The following ARMC1 variants were observed in gnomAD, a reference collection of about 807,000 sequenced individuals.
ARMC1 encodes the protein armadillo repeat containing 1.
A neutral mutation model predicts 31.4 loss-of-function variants in ARMC1; 16 were observed. The observed-to-expected ratio is 0.51, with a 90% CI of 0.34 to 0.77. The LOEUF is 0.77. Among genes scored for constraint, ARMC1 ranks in the 30% least tolerant of loss-of-function variants. The pLI, the probability that ARMC1 is intolerant of heterozygous loss-of-function variation, is 0.01. For synonymous variants in ARMC1, 114 were observed against 118.9 expected, an observed-to-expected ratio of 0.96 and a Z score of 0.27; for missense variants, 259 against 347.5, an observed-to-expected ratio of 0.75 and a Z score of 2.02.
At chr8:65,624,661 T>C (rs915080031) in intron 2 of ARMC1, among the ~76,000 whole-genome samples, 3 of 152,084 alleles carry the variant, frequency 2.0e-5, no homozygotes, top group African/African-American at 7.2e-5. Context: ...TATACTCTTG[T>C]GTGATTCTTA....
intron 1 of ARMC1, among the ~76,000 whole-genome samples, chr8:65,631,813 G>A (rs1808650259): frequency 6.6e-6 from 1 of 151,036 alleles, no homozygotes; most frequent in Non-Finnish European, 1.5e-5. Flanking sequence ...CAAGTCTACA[G>A]TGTGCTATGA....
intron 3 of ARMC1, among the ~76,000 whole-genome samples, chr8:65,617,922 G>GC (rs80261499): frequency 5.3e-5 from 8 of 150,172 alleles, no homozygotes; most frequent in Non-Finnish European, 1.0e-4. Context: ...TTTTCGGCGG[G>GC]GGGGGAGGGA....
intron 1 of ARMC1, among the ~76,000 whole-genome samples, chr8:65,629,130 G>A (rs1398501950): frequency 6.6e-6 from 1 of 150,890 alleles, no homozygotes; most frequent in East Asian, 1.9e-4. Context: ...ACTACAGCCT[G>A]GATGACAGGG....
chr8:65,609,857 C>CAAAAAAAAAAAAAAAAAAAAAAAAAAAAA (rs35519675), intron 4 of ARMC1, among the ~76,000 whole-genome samples: 1 of 93,062 alleles, frequency 1.1e-5, no homozygotes, highest in African/African-American at 4.4e-5. Context: ...GACTCTGTCT[C>CAAAAAAAAAAAAAAAAAAAAAAAAAAAAA]AAAAAAAAAA....
chr8:65,606,386 GAAAA>G (rs1808003750), intron 4 of ARMC1, among the ~76,000 whole-genome samples: 1 of 149,352 alleles, frequency 6.7e-6, no homozygotes, highest in Admixed American at 6.7e-5. Context: ...GAAAAGAAAA[GAAAA>G]GTTTTATGAT....
chr8:65,616,382 G>A (rs917737161), intron 3 of ARMC1, among the ~76,000 whole-genome samples: 3 of 152,252 alleles, frequency 2.0e-5, no homozygotes, highest in African/African-American at 7.2e-5. Flanking sequence ...TGATCTGCCA[G>A]CCTCGGCCTC....
chr8:65,607,674 C>T (rs561127632), intron 4 of ARMC1, among the ~76,000 whole-genome samples: 1 of 152,290 alleles, frequency 6.6e-6, no homozygotes, highest in South Asian at 2.1e-4. Context: ...TTAGTACATT[C>T]TACCATGTGA....
Position 65,605,303 on chromosome 8 carries a change from A to G in ARMC1, c.617T>C (p.Met206Thr). 6.2e-7 allele frequency: 1 copy of G among 1,613,808 alleles called. No individual in the cohort carries two copies. The highest frequency in any genetic ancestry group is 1.1e-5 in the South Asian group (1 of 90,950). ...ACTTTTCACAACTTGCTGAGCTTTC[A>G]TAACCTTGGTTGATGCTATTGCTGA... ...LASAIASTKV[M>T]KAQQVVKSES... The change falls in exon 6 of 7, where the codon ATG becomes ACG. Residue 206 changes from methionine to threonine, a missense_variant. This residue lies in a region of ARMC1 where 73 missense variants were observed against 100.0 expected (regional missense o/e 0.73). Coordinates refer to ENST00000276569, the MANE Select transcript of ARMC1 (RefSeq NM_018120.6).
At chr8:65,620,680 G>A (rs1315588221) in intron 3 of ARMC1, among the ~76,000 whole-genome samples, 2 of 151,642 alleles carry the variant, frequency 1.3e-5, no homozygotes, top group Non-Finnish European at 2.9e-5. Flanking sequence ...AGATGCTTCT[G>A]TTGTCATCCT....
intron 6 of ARMC1, 149 bp downstream of exon 6, chr8:65,605,114 C>A: frequency 1.5e-6 from 1 of 656,664 alleles, no homozygotes; most frequent in Non-Finnish European, 2.6e-6. Context: ...AAAGATCTCT[C>A]TATATTTCTA....
intron 4 of ARMC1, among the ~76,000 whole-genome samples, chr8:65,606,440 T>C (rs915226299): frequency 9.2e-5 from 14 of 151,956 alleles, no homozygotes; most frequent in Admixed American, 2.0e-4. Context: ...TAAATTCCAA[T>C]AGACTGAAGT....
intron 1 of ARMC1, among the ~76,000 whole-genome samples, chr8:65,633,371 A>T (rs1217427117): frequency 6.6e-6 from 1 of 152,236 alleles, no homozygotes; most frequent in Non-Finnish European, 1.5e-5. Context: ...AGCCTCAGTT[A>T]TCTCACATAA....
intron 2 of ARMC1, among the ~76,000 whole-genome samples, chr8:65,626,046 G>A (rs1476173181): frequency 1.3e-5 from 2 of 151,796 alleles, no homozygotes; most frequent in Non-Finnish European, 2.9e-5. Flanking sequence ...CCACCACCAC[G>A]CCCGGCTAAT....
At chr8:65,610,261 CT>C (rs1432798275) in intron 4 of ARMC1, among the ~76,000 whole-genome samples, 2 of 151,982 alleles carry the variant, frequency 1.3e-5, no homozygotes, top group South Asian at 2.1e-4. Context: ...CCACACCCTG[CT>C]TATTTTTTGT....
At chr8:65,622,693 A>G (rs1808418984) in intron 2 of ARMC1, among the ~76,000 whole-genome samples, 1 of 147,584 alleles carries the variant, frequency 6.8e-6, no homozygotes, top group Non-Finnish European at 1.5e-5. Flanking sequence ...AACCTGAATG[A>G]CAGAGTTACT....
At chr8:65,611,052 G>A (rs1808129197) in intron 4 of ARMC1, among the ~76,000 whole-genome samples, 1 of 151,842 alleles carries the variant, frequency 6.6e-6, no homozygotes. Flanking sequence ...TCCTGCCTCA[G>A]CCTCCCATGT....
intron 4 of ARMC1, among the ~76,000 whole-genome samples, chr8:65,610,022 C>G (rs565198988): frequency 6.6e-6 from 1 of 152,210 alleles, no homozygotes; most frequent in East Asian, 1.9e-4. Context: ...AGGGGAACTT[C>G]CAGCTGCAGT....
At chr8:65,609,517 T>G (rs1442690482) in intron 4 of ARMC1, among the ~76,000 whole-genome samples, 1 of 152,052 alleles carries the variant, frequency 6.6e-6, no homozygotes, top group Non-Finnish European at 1.5e-5. Flanking sequence ...TATGGAAGGC[T>G]TATTTACTAA....
chr8:65,625,798 T>C (rs7814342), intron 2 of ARMC1, among the ~76,000 whole-genome samples: 9,247 of 152,242 alleles, frequency 0.061, 969 homozygotes, highest in African/African-American at 0.21. Flanking sequence ...CTGTACAAAC[T>C]TGTGAAATTA....
Sources: allele counts gnomAD v4.1 joint callset (sites outside exome capture counted in the v4.1 genomes callset), GRCh38; gene constraint gnomAD v4.1.1; regional missense constraint gnomAD v4.1.1; transcripts MANE v1.5; gene names NCBI Gene and HGNC (gene_info 2026-07-23, HGNC 2026-07-21).